AGBL4: variants seen among roughly 807,000 people sequenced by gnomAD.
AGBL4 encodes AGBL carboxypeptidase 4.
Under a neutral mutation model 66.4 loss-of-function variants are expected in AGBL4, and 58 were observed. That is an observed-to-expected ratio of 0.87 (90% confidence interval 0.71 to 1.09). The LOEUF (loss-of-function observed/expected upper bound fraction) is 1.09, where lower values mean the gene tolerates loss of function less well. Among genes scored for constraint, AGBL4 ranks in the 50% least tolerant of loss-of-function variants. The pLI, the probability that AGBL4 is intolerant of heterozygous loss-of-function variation, is 0.00. For synonymous variants in AGBL4, 234 were observed against 222.9 expected, an observed-to-expected ratio of 1.05 and a Z score of -0.44; for missense variants, 579 against 631.0, an observed-to-expected ratio of 0.92 and a Z score of 0.88.
At chr1:49,984,528 A>ACTT (rs1572011155) in intron 1 of AGBL4, among the ~76,000 whole-genome samples, 1 of 152,210 alleles carries the variant, frequency 6.6e-6, no homozygotes, top group South Asian at 2.1e-4. Context: ...AACCTGTTGA[A>ACTT]CATGTATATT....
chr1:49,233,072 A>T (rs1377945902), intron 4 of AGBL4, among the ~76,000 whole-genome samples: 1 of 152,200 alleles, frequency 6.6e-6, no homozygotes, highest in Non-Finnish European at 1.5e-5. Context: ...ACTGCCATGA[A>T]CATCCTTAAA....
intron 1 of AGBL4, among the ~76,000 whole-genome samples, chr1:49,884,288 A>C (rs898130037): frequency 6.6e-6 from 1 of 151,944 alleles, no homozygotes; most frequent in African/African-American, 2.4e-5. Context: ...TTTCCCTTAA[A>C]ATATTGTTCT....
At chr1:50,002,612 G>A (rs895323385) in intron 1 of AGBL4, among the ~76,000 whole-genome samples, 4 of 151,536 alleles carry the variant, frequency 2.6e-5, no homozygotes, top group Admixed American at 1.3e-4. Flanking sequence ...CTCGTGATCC[G>A]CCCGCCTCGG....
intron 3 of AGBL4, among the ~76,000 whole-genome samples, chr1:49,693,812 A>T (rs530279785): frequency 6.6e-6 from 1 of 152,270 alleles, no homozygotes; most frequent in Non-Finnish European, 1.5e-5. Flanking sequence ...AAATAAGAAG[A>T]TCTGCTTTCA....
At chr1:48,712,514 A>T (rs1209669361) in intron 6 of AGBL4, among the ~76,000 whole-genome samples, 5 of 152,198 alleles carry the variant, frequency 3.3e-5, no homozygotes, top group Admixed American at 6.5e-5. Flanking sequence ...GATAATAATA[A>T]CATAGAGCTC....
chr1:49,791,600 C>G (rs1330963628), intron 2 of AGBL4, among the ~76,000 whole-genome samples: 1 of 152,092 alleles, frequency 6.6e-6, no homozygotes, highest in East Asian at 1.9e-4. Context: ...TCTTTTGCCA[C>G]TCCCTCACCT....
chr1:49,141,590 T>C, intron 4 of AGBL4, among the ~76,000 whole-genome samples: 1 of 151,782 alleles, frequency 6.6e-6, no homozygotes, highest in Non-Finnish European at 1.5e-5. Flanking sequence ...ATAAGAAAAC[T>C]GAAGAGGCTA....
chr1:49,824,617 C>T (rs6680547), intron 2 of AGBL4, among the ~76,000 whole-genome samples: 64,303 of 152,058 alleles, frequency 0.42, 16,090 homozygotes, highest in Non-Finnish European at 0.57. Context: ...CCTGGTTAGA[C>T]AACTAAGTTA....
chr1:49,426,623 C>A (rs1359377880), intron 3 of AGBL4, among the ~76,000 whole-genome samples: 1 of 152,068 alleles, frequency 6.6e-6, no homozygotes, highest in African/African-American at 2.4e-5. Flanking sequence ...TTATTTAATA[C>A]TTGTTCTGTG....
chr1:49,239,394 ATG>A (rs1364480313), intron 4 of AGBL4, among the ~76,000 whole-genome samples: 1 of 152,124 alleles, frequency 6.6e-6, no homozygotes, highest in African/African-American at 2.4e-5. Context: ...CCTAAAACCT[ATG>A]TGATATTTAT....
intron 1 of AGBL4, among the ~76,000 whole-genome samples, chr1:49,936,820 A>C (rs961360287): frequency 6.6e-6 from 1 of 152,350 alleles, no homozygotes; most frequent in African/African-American, 2.4e-5. Flanking sequence ...GGCCTGCCAT[A>C]AAAGAGCTCC....
intron 1 of AGBL4, among the ~76,000 whole-genome samples, chr1:49,877,665 T>C (rs1647060979): frequency 6.6e-6 from 1 of 152,082 alleles, no homozygotes; most frequent in South Asian, 2.1e-4. Context: ...AGAATGATGC[T>C]GGCCTCATCA....
At chr1:49,981,947 T>A (rs1302207548) in intron 1 of AGBL4, among the ~76,000 whole-genome samples, 2 of 152,220 alleles carry the variant, frequency 1.3e-5, no homozygotes, top group Non-Finnish European at 2.9e-5. Flanking sequence ...GTTTCAAACA[T>A]GAAACTCATT....
chr1:49,689,309 C>T (rs1362542058), intron 3 of AGBL4, among the ~76,000 whole-genome samples: 1 of 152,156 alleles, frequency 6.6e-6, no homozygotes, highest in African/African-American at 2.4e-5. Flanking sequence ...GTTTTCCTAG[C>T]AGCATTTATA....
At chr1:49,812,034 G>A (rs1210026826) in intron 2 of AGBL4, among the ~76,000 whole-genome samples, 1 of 152,100 alleles carries the variant, frequency 6.6e-6, no homozygotes, top group African/African-American at 2.4e-5. Context: ...TGTTGTGGTT[G>A]TTATTAAGTA....
intron 2 of AGBL4, among the ~76,000 whole-genome samples, chr1:49,751,529 G>C (rs1213835027): frequency 3.9e-5 from 6 of 152,144 alleles, no homozygotes; most frequent in African/African-American, 1.4e-4. Flanking sequence ...CAGGAATATT[G>C]GTCTGAAATT....
chr1:49,100,451 AG>A (rs1161696051), intron 4 of AGBL4, among the ~76,000 whole-genome samples: 2 of 152,350 alleles, frequency 1.3e-5, no homozygotes, highest in East Asian at 1.9e-4. Context: ...TCGTCTTCAA[AG>A]GAGAATCTGG....
chr1:48,950,111 T>G (rs913631462), intron 5 of AGBL4, among the ~76,000 whole-genome samples: 1 of 152,212 alleles, frequency 6.6e-6, no homozygotes, highest in Non-Finnish European at 1.5e-5. Context: ...TATTTATTTA[T>G]TTTTGAGACA....
intron 6 of AGBL4, among the ~76,000 whole-genome samples, chr1:48,754,759 T>C (rs4926531): frequency 0.77 from 117,013 of 152,058 alleles, 46,681 homozygotes; most frequent in Non-Finnish European, 0.89. Context: ...AGGAAAGTTC[T>C]GTTTTACAGA....
Sources: allele counts gnomAD v4.1 joint callset (sites outside exome capture counted in the v4.1 genomes callset), GRCh38; gene constraint gnomAD v4.1.1; transcripts MANE v1.5; gene names NCBI Gene and HGNC (gene_info 2026-07-23, HGNC 2026-07-21).